The following PTK2B variants were observed in gnomAD, a reference collection of about 807,000 sequenced individuals.
PTK2B encodes protein tyrosine kinase 2 beta, also known as protein-tyrosine kinase 2-beta.
A neutral mutation model predicts 142.9 loss-of-function variants in PTK2B; 71 were observed. The ratio of observed to expected loss-of-function variants is 0.50; its 90% CI spans 0.41 to 0.61. The LOEUF (loss-of-function observed/expected upper bound fraction) is 0.61. Among genes scored for constraint, PTK2B ranks in the 20% least tolerant of loss-of-function variants. The pLI is 0.00. For synonymous variants in PTK2B, 519 were observed against 503.4 expected, an observed-to-expected ratio of 1.03 and a Z score of -0.42; for missense variants, 1,105 against 1,320.4, an observed-to-expected ratio of 0.84 and a Z score of 2.53.
At chr8:27,424,296 T>G (rs1809939409) in intron 5 of PTK2B, among the ~76,000 whole-genome samples, 1 of 152,138 alleles carries the variant, frequency 6.6e-6, no homozygotes, top group African/African-American at 2.4e-5. Flanking sequence ...ATCCCCAAAC[T>G]ATTACTGGTG....
At chr8:27,451,016 C>A (rs1212393864) in intron 25 of PTK2B, 27 bp from the exon 26 acceptor site, 3 of 1,611,094 alleles carry the variant, frequency 1.9e-6, no homozygotes, top group Admixed American at 1.7e-5. Flanking sequence ...AATTCTTAGT[C>A]CTTCGCTCTT....
intron 1 of PTK2B, among the ~76,000 whole-genome samples, chr8:27,337,352 G>C (rs112216762): frequency 1.1e-4 from 16 of 152,298 alleles, no homozygotes; most frequent in African/African-American, 3.6e-4. Context: ...GGCCAGGCTA[G>C]TCTTGAACTC....
At chr8:27,430,840 GC>G (rs2132022562) in intron 7 of PTK2B, 35 bp from the exon 8 acceptor site, 1 of 1,605,390 alleles carries the variant, frequency 6.2e-7, no homozygotes, top group East Asian at 2.2e-5. Context: ...CCTGGGAGGA[GC>G]AGGCATTGCT....
intron 10 of PTK2B, 111 bp from the exon 11 acceptor site, chr8:27,433,323 TG>T: frequency 2.3e-6 from 2 of 887,566 alleles, no homozygotes; most frequent in Non-Finnish European, 3.6e-6. Context: ...CAGACAGCAT[TG>T]GCATCCAGGC....
chr8:27,451,830 C>G lies in PTK2B; in HGVS notation c.2548+321C>G, dbSNP rs1006642393. The G allele has an allele frequency of 5.2e-6, 6 of 1,163,456 alleles. No homozygotes were observed. The East Asian group carries it at 1.8e-4, about 35-fold the overall frequency. The allele number at this position is 1,163,456 out of a possible 1,614,324, so 72.1% of individuals were successfully genotyped here. A position where few individuals can be genotyped will look rare whatever the true frequency, so the allele number is the denominator to read the frequency against. ...CTCATTTCCTGCTCTGTTGGAAGCT[C>G]CCGTGGGAAAAGTTAAGCAGTGCCA... On this transcript the variant is annotated intron_variant, in intron 27 of 30. Coordinates refer to ENST00000346049, the MANE Select transcript of PTK2B (RefSeq NM_173176.3).
At position 27,437,161 on chromosome 8, in the gene PTK2B, A is replaced by G. The variant is rs1341299220; in HGVS notation, c.1381A>G (p.Lys461Glu). 1.2e-6 allele frequency: 2 copies of G among 1,614,072 alleles called. No homozygotes were observed. Among genetic ancestry groups the G allele is most frequent in the Admixed American group, 1.7e-5 (1 of 60,016 alleles). The change falls in exon 16 of 31, where the codon AAA becomes GAA. Residue 461 changes from lysine (K) to glutamate (E), a missense_variant. Physicochemically the swap from Lys to Glu is moderately conservative, Grantham distance 56. Transcript: ENST00000346049. ...CAATGTAGCTGTCAAGACCTGCAAG[A>G]AAGACTGCACTCTGGACAACAAGGA... is the stretch of plus-strand genomic sequence containing the variant. ...KINVAVKTCKKDCTLDNKEKF... is the reference protein window; with the variant it reads ...KINVAVKTCKEDCTLDNKEKF...
At chr8:27,329,491 G>T (rs763857376) in intron 1 of PTK2B, among the ~76,000 whole-genome samples, 2 of 152,144 alleles carry the variant, frequency 1.3e-5, no homozygotes, top group Non-Finnish European at 2.9e-5. Flanking sequence ...TGCATGGTAG[G>T]TCACTCAGTC....
chr8:27,388,609 T>C (rs1292025752), intron 1 of PTK2B, among the ~76,000 whole-genome samples: 3 of 152,220 alleles, frequency 2.0e-5, no homozygotes, highest in African/African-American at 2.4e-5. Context: ...GTTCAGACAG[T>C]GGTGTGCTGG....
chr8:27,334,562 A>C (rs1488540301), intron 1 of PTK2B, among the ~76,000 whole-genome samples: 1 of 151,930 alleles, frequency 6.6e-6, no homozygotes, highest in Non-Finnish European at 1.5e-5. Flanking sequence ...CTATTTTTCA[A>C]CCTGATGCTA....
At chr8:27,337,612 T>C (rs1245285894) in intron 1 of PTK2B, among the ~76,000 whole-genome samples, 4 of 152,232 alleles carry the variant, frequency 2.6e-5, no homozygotes, top group Non-Finnish European at 4.4e-5. Flanking sequence ...TGTACAACAC[T>C]GTGGCCTTTC....
chr8:27,445,739 T>A (rs1486711191), intron 23 of PTK2B, 55 bp from the exon 24 acceptor site: 3 of 1,606,476 alleles, frequency 1.9e-6, no homozygotes, highest in Non-Finnish European at 2.5e-6. Context: ...AGCAGCTAAT[T>A]GTCTACCTTC....
intron 1 of PTK2B, among the ~76,000 whole-genome samples, chr8:27,347,216 A>AAC: frequency 6.7e-6 from 1 of 149,866 alleles, no homozygotes; most frequent in Non-Finnish European, 1.5e-5. Flanking sequence ...ATCTCTACTA[A>AAC]AAAAAAAAAA....
At chr8:27,377,019 C>T (rs551324732) in intron 1 of PTK2B, among the ~76,000 whole-genome samples, 2 of 152,098 alleles carry the variant, frequency 1.3e-5, no homozygotes, top group Non-Finnish European at 2.9e-5. Context: ...TTCACTCCTG[C>T]GTTTAGAACC....
chr8:27,451,637 T>A lies in PTK2B; in HGVS notation c.2548+128T>A, dbSNP rs1811823860. On this transcript the variant is annotated intron_variant, in intron 27 of 30. Transcript: ENST00000346049. ...CATTCCCTGCAGCATCGGCCATGAT[T>A]TAATTCAGAGCATGTGGGGCAGGCC... 3 of 1,541,278 alleles carry A rather than the reference T, an allele frequency of 1.9e-6. No individual in the cohort carries two copies. In the East Asian group the frequency reaches 7.0e-5, roughly 36 times the overall value.
intron 1 of PTK2B, chr8:27,312,293 A>G (rs1802994334): frequency 6.6e-6 from 1 of 152,182 alleles, no homozygotes; most frequent in South Asian, 2.1e-4. Flanking sequence ...TTTTCCAACT[A>G]TCTTTTCAAG....
intron 1 of PTK2B, among the ~76,000 whole-genome samples, chr8:27,344,622 A>G (rs1804605942): frequency 6.6e-6 from 1 of 152,188 alleles, no homozygotes; most frequent in African/African-American, 2.4e-5. Flanking sequence ...AAGGTCACCC[A>G]GGATCCCACC....
chr8:27,455,606 A>T (rs1812097633), intron 30 of PTK2B, among the ~76,000 whole-genome samples: 1 of 148,938 alleles, frequency 6.7e-6, no homozygotes, highest in South Asian at 2.3e-4. Context: ...GGTCAGGGTG[A>T]CAGATGTGAT....
At chr8:27,362,589 C>G (rs1254955584) in intron 1 of PTK2B, among the ~76,000 whole-genome samples, 2 of 151,732 alleles carry the variant, frequency 1.3e-5, no homozygotes, top group African/African-American at 4.8e-5. Flanking sequence ...AAGCAACACC[C>G]CACCCCCACC....
At chr8:27,371,046 C>T (rs1806326879) in intron 1 of PTK2B, among the ~76,000 whole-genome samples, 2 of 152,114 alleles carry the variant, frequency 1.3e-5, no homozygotes, top group Admixed American at 1.3e-4. Context: ...CAGGTGCTCG[C>T]CACCACACCT....
Sources: gnomAD v4.1 joint callset for allele counts (sites outside exome capture counted in the v4.1 genomes callset) on GRCh38, gnomAD v4.1.1 for gene constraint, MANE v1.5 for transcripts, NCBI Gene and HGNC (gene_info 2026-07-23, HGNC 2026-07-21) for gene names.